Variants in DCBLD2 observed in about 807,000 individuals in gnomAD.
DCBLD2 encodes discoidin, CUB and LCCL domain containing 2, also known as discoidin, CUB and LCCL domain-containing protein 2.
A neutral mutation model predicts 86.8 loss-of-function variants in DCBLD2; 54 were observed. The ratio of observed to expected loss-of-function variants is 0.62; its 90% CI spans 0.50 to 0.78. The LOEUF (loss-of-function observed/expected upper bound fraction) is 0.78. Among genes scored for constraint, DCBLD2 ranks in the 30% least tolerant of loss-of-function variants. The probability of loss-of-function intolerance (pLI) is 0.00; values close to 1 mark genes in which losing one functional copy is unlikely to be tolerated. For missense variants in DCBLD2, 908 were observed against 954.2 expected (o/e 0.95, Z 0.64); for synonymous variants, 354 against 341.3 (o/e 1.04, Z -0.41).
chr3:98,808,014 C>A, intron 13 of DCBLD2, 67 bp downstream of exon 13: 2 of 1,202,730 alleles, frequency 1.7e-6, no homozygotes, highest in South Asian at 2.1e-5. Context: ...ACATTTTCAT[C>A]TTCTATATTT....
At chr3:98,858,711 C>A (rs1252903662) in intron 2 of DCBLD2, among the ~76,000 whole-genome samples, 3 of 152,076 alleles carry the variant, frequency 2.0e-5, no homozygotes, top group Non-Finnish European at 4.4e-5. Flanking sequence ...AAACAAGTAA[C>A]TTTAAAAATG....
intron 15 of DCBLD2, among the ~76,000 whole-genome samples, chr3:98,800,119 A>C (rs1559766056): frequency 6.6e-6 from 1 of 152,212 alleles, no homozygotes; most frequent in Non-Finnish European, 1.5e-5. Context: ...TCTTTACTGA[A>C]TATTTCCTTT....
At chr3:98,823,447 C>T (rs2107450180) in intron 4 of DCBLD2, among the ~76,000 whole-genome samples, 1 of 152,294 alleles carries the variant, frequency 6.6e-6, no homozygotes, top group Non-Finnish European at 1.5e-5. Flanking sequence ...CATTCATTCA[C>T]GCTGCTACCC....
chr3:98,900,258 A>T (rs1041364030), intron 1 of DCBLD2, among the ~76,000 whole-genome samples: 2 of 152,230 alleles, frequency 1.3e-5, no homozygotes, highest in Non-Finnish European at 2.9e-5. Context: ...ATAAGTAACA[A>T]TCCAATCCTT....
intron 2 of DCBLD2, among the ~76,000 whole-genome samples, chr3:98,881,269 A>C (rs929330300): frequency 4.0e-5 from 6 of 150,778 alleles, no homozygotes; most frequent in African/African-American, 7.3e-5. Flanking sequence ...AAAAAAACAA[A>C]AAAAAAAAAA....
chr3:98,868,548 T>C (rs1390168431), intron 2 of DCBLD2, among the ~76,000 whole-genome samples: 2 of 152,174 alleles, frequency 1.3e-5, no homozygotes, highest in Admixed American at 1.3e-4. Flanking sequence ...GAGCTTTTAG[T>C]GTACCCATCA....
At position 98,868,988 on chromosome 3, in the gene DCBLD2, G is replaced by T. The variant is rs1167225682; in HGVS notation, c.433+12552C>A. Among the ~76,000 whole-genome samples, 3 of 152,152 alleles carry T rather than the reference G, an allele frequency of 2.0e-5. No individual in the cohort carries two copies. In the East Asian group the frequency reaches 5.8e-4, roughly 29 times the overall value. On this transcript the variant is annotated intron_variant, in intron 2 of 15. Transcript: ENST00000326840. ...ATTTTCCTTTGGGCAGATATCAGTA[G>T]TGAGACTGCTGAACTGAATGGTAGA...
chr3:98,867,787 A>T (rs1271829480), intron 2 of DCBLD2, among the ~76,000 whole-genome samples: 4 of 151,096 alleles, frequency 2.6e-5, no homozygotes, highest in African/African-American at 9.7e-5. Context: ...AAGAAATAAC[A>T]TTTGTTTTTG....
chr3:98,888,557 C>G (rs567614504), intron 1 of DCBLD2, among the ~76,000 whole-genome samples: 1 of 151,950 alleles, frequency 6.6e-6, no homozygotes, highest in African/African-American at 2.4e-5. Context: ...ACATACCATA[C>G]GAAAACAACT....
At position 98,901,358 on chromosome 3, in the gene DCBLD2, G is replaced by C; in HGVS notation, c.-32C>G. 7 of 1,307,674 alleles carry C rather than the reference G, an allele frequency of 5.4e-6. No homozygotes were observed. Among genetic ancestry groups the C allele is most frequent in the Non-Finnish European group, 6.8e-6 (7 of 1,036,092 alleles). The allele number at this position is 1,307,674 out of a possible 1,614,324, so 81.0% of individuals were successfully genotyped here. On this transcript the variant is annotated 5_prime_UTR_variant, in exon 1 of 16. Transcript: ENST00000326840. ...GGCCGGCAGTCTGCCTGCATAGTGC[G>C]GGTGCCTCGGCAGCCCCGCGCGCCT...
At chr3:98,825,279 CAAA>C (rs11341324) in intron 4 of DCBLD2, 33 bp downstream of exon 4, 16,307 of 1,238,804 alleles carry the variant, frequency 0.013, no homozygotes, top group South Asian at 0.029. Flanking sequence ...AACATTTAAG[CAAA>C]AAAAAAAAAA....
rs767364631 is a variant in DCBLD2, at chr3:98,812,353, C to T, written c.1342G>A (p.Gly448Arg). ...QKIAMKMELL[G>R]CQFIPKGRPP... ...TTACCTTTAGGAATAAACTGACATCCGAGCAGCTCCATTTTCATGGCAATT... is the reference window on the plus strand; with the variant it reads ...TTACCTTTAGGAATAAACTGACATCTGAGCAGCTCCATTTTCATGGCAATT... The change falls in exon 10 of 16, where the codon GGA (glycine) becomes AGA (arginine). Residue 448 changes from glycine to arginine, a missense_variant. Physicochemically the swap from Gly to Arg is moderately radical, Grantham distance 125. Around this residue, in one of 3 missense-constraint regions of DCBLD2, gnomAD observed 606 missense variants for 678.5 expected, o/e 0.89. Transcript: ENST00000326840. 4.3e-6 allele frequency: 7 copies of T among 1,613,304 alleles called. No individual in the cohort carries two copies. The highest frequency in any genetic ancestry group is 4.5e-5 in the East Asian group (2 of 44,824).
At position 98,901,196 on chromosome 3, in the gene DCBLD2, G is replaced by A. The variant is rs1348064797; in HGVS notation, c.131C>T (p.Ser44Phe). ...CAGGAGGAACAGAGGCATGGAGAAG[G>A]AGGAGGAGTTGGAGCAGGGAGGGAG... The part of the protein sequence containing the change: ...RSLPPCSNSS[S>F]FSMPLFLLLL... The change falls in exon 1 of 16, where the codon TCC (serine) becomes TTC (phenylalanine). Residue 44 changes from serine (S) to phenylalanine (F), a missense_variant. This residue lies in a region of DCBLD2 where 294 missense variants were observed against 256.0 expected (regional missense o/e 1.15). Coordinates refer to ENST00000326840, the MANE Select transcript of DCBLD2 (RefSeq NM_080927.4). 11 of 1,536,770 alleles carry A rather than the reference G, an allele frequency of 7.2e-6. No individual in the cohort carries two copies. The highest frequency in any genetic ancestry group is 2.4e-5 in the East Asian group (1 of 40,900).
intron 6 of DCBLD2, 72 bp from the exon 7 acceptor site, chr3:98,820,360 T>G: frequency 8.4e-7 from 1 of 1,194,596 alleles, no homozygotes; most frequent in Non-Finnish European, 1.1e-6. Flanking sequence ...TGAAACATTT[T>G]CTTTTGATTT....
intron 1 of DCBLD2, among the ~76,000 whole-genome samples, chr3:98,893,625 T>G (rs375756766): frequency 1.5e-3 from 232 of 152,076 alleles, no homozygotes; most frequent in African/African-American, 5.3e-3. Context: ...TTTAGAAAGC[T>G]CGTCACTGAA....
intron 2 of DCBLD2, among the ~76,000 whole-genome samples, chr3:98,865,793 C>T (rs1314706800): frequency 2.0e-5 from 3 of 152,026 alleles, no homozygotes; most frequent in Admixed American, 1.3e-4. Context: ...ATGTGACACG[C>T]TGGTGTGCTG....
intron 3 of DCBLD2, among the ~76,000 whole-genome samples, chr3:98,838,904 C>T (rs1010342289): frequency 8.6e-5 from 13 of 151,624 alleles, no homozygotes; most frequent in African/African-American, 1.9e-4. Context: ...GGCGTGGCGG[C>T]GCGTGCCTGC....
intron 9 of DCBLD2, chr3:98,815,905 G>A (rs540111929): frequency 2.0e-5 from 3 of 151,412 alleles, no homozygotes; most frequent in South Asian, 2.1e-4. Context: ...TGAATGGTAA[G>A]ATACCTTCAA....
At chr3:98,822,382 A>G in intron 5 of DCBLD2, 21 bp from the exon 6 acceptor site, 1 of 1,601,792 alleles carries the variant, frequency 6.2e-7, no homozygotes, top group Non-Finnish European at 8.5e-7. Flanking sequence ...GGAAAAGAAA[A>G]GATTCATTTT....
Sources: gnomAD v4.1 joint callset for allele counts (sites outside exome capture counted in the v4.1 genomes callset) on GRCh38, gnomAD v4.1.1 for gene constraint, gnomAD v4.1.1 regional missense constraint, MANE v1.5 for transcripts, NCBI Gene and HGNC (gene_info 2026-07-23, HGNC 2026-07-21) for gene names.